The following NTM variants were observed in gnomAD, a reference collection of about 807,000 sequenced individuals.
The protein encoded by NTM is neurotrimin, also known as IgLON family member 2.
Under a neutral mutation model 42.1 loss-of-function variants are expected in NTM, and 13 were observed. That is an observed-to-expected ratio of 0.31 (90% CI 0.20 to 0.49). NTM has a LOEUF of 0.49. Ranked by LOEUF, NTM falls within the 20% of genes least tolerant of loss-of-function variation. The pLI, the probability that NTM is intolerant of heterozygous loss-of-function variation, is 0.99. For synonymous variants in NTM, 187 were observed against 179.2 expected (o/e 1.04, Z -0.35); for missense variants, 373 against 452.8 (o/e 0.82, Z 1.60).
chr11:132,293,795 T>G (rs1406547173), intron 4 of NTM, among the ~76,000 whole-genome samples: 1 of 152,194 alleles, frequency 6.6e-6, no homozygotes, highest in East Asian at 1.9e-4. Flanking sequence ...AGTAAAGTTT[T>G]TTTGGAGTGA....
At chr11:131,718,738 AAT>A (rs1477149528) in intron 1 of NTM, among the ~76,000 whole-genome samples, 1 of 151,904 alleles carries the variant, frequency 6.6e-6, no homozygotes, top group Admixed American at 6.6e-5. Flanking sequence ...TGAGCACTCT[AAT>A]GTTCTTGATC....
intron 4 of NTM, among the ~76,000 whole-genome samples, chr11:132,247,163 T>C (rs995752266): frequency 6.6e-6 from 1 of 152,178 alleles, no homozygotes; most frequent in Admixed American, 6.5e-5. Context: ...CATCTCAGGC[T>C]CATCATTGAT....
At chr11:132,167,979 T>C (rs2075540769) in intron 3 of NTM, among the ~76,000 whole-genome samples, 1 of 152,168 alleles carries the variant, frequency 6.6e-6, no homozygotes, top group South Asian at 2.1e-4. Flanking sequence ...GAGAGTGCAG[T>C]GTGGAGAACT....
intron 4 of NTM, among the ~76,000 whole-genome samples, chr11:132,220,874 G>T (rs983332162): frequency 6.6e-6 from 1 of 152,124 alleles, no homozygotes; most frequent in Non-Finnish European, 1.5e-5. Context: ...CATTAAAATG[G>T]TAGCCCCTAC....
At chr11:132,170,350 A>T (rs557886004) in intron 3 of NTM, among the ~76,000 whole-genome samples, 1 of 152,296 alleles carries the variant, frequency 6.6e-6, no homozygotes, top group African/African-American at 2.4e-5. Context: ...ACAGCTAGGG[A>T]GTATCTACCA....
rs570084556 is a variant in NTM, at chr11:132,164,483, G to T, written c.400+17969G>T. On this transcript the variant is annotated intron_variant, in intron 3 of 8. Transcript: ENST00000683400. Reference sequence around the variant, plus strand: ...TTTTCAAAAGTAGCACACAATTAAAGAATACATTTCTTTATTTGACTATGA... The same window carrying T: ...TTTTCAAAAGTAGCACACAATTAAATAATACATTTCTTTATTTGACTATGA... Among the ~76,000 whole-genome samples, 63 of 152,240 alleles carry T rather than the reference G, an allele frequency of 4.1e-4. No individual in the cohort carries two copies. In the South Asian group the frequency reaches 0.011, roughly 27 times the overall value.
chr11:131,781,528 G>T lies in NTM; in HGVS notation c.83-130036G>T, dbSNP rs528739738. On this transcript the variant is annotated intron_variant, in intron 1 of 8. Transcript: ENST00000683400. The stretch of plus-strand genomic sequence containing the variant: ...ATACTAATTTATTATTGTTAAATGT[G>T]TGCCACCATAGCAAATACTAAGTAA... 5.9e-5 allele frequency among the ~76,000 whole-genome samples: 9 copies of T among 152,144 alleles called. No homozygotes were observed. The East Asian group carries it at 1.7e-3, about 29-fold the overall frequency.
intron 2 of NTM, among the ~76,000 whole-genome samples, chr11:131,921,744 G>A (rs2057253341): frequency 6.6e-6 from 1 of 152,060 alleles, no homozygotes; most frequent in Non-Finnish European, 1.5e-5. Context: ...GGTCTCAGTC[G>A]TGAGCCCAGC....
intron 1 of NTM, among the ~76,000 whole-genome samples, chr11:131,387,316 C>T (rs1943444292): frequency 1.3e-5 from 2 of 152,156 alleles, no homozygotes; most frequent in Non-Finnish European, 2.9e-5. Context: ...CTCTCTCTCT[C>T]CCTCTCTCTC....
chr11:131,468,960 G>A (rs1157257267), intron 1 of NTM, among the ~76,000 whole-genome samples: 3 of 152,248 alleles, frequency 2.0e-5, no homozygotes. Context: ...ATTTAAGGCA[G>A]AACAATTGGA....
At chr11:132,141,258 T>C (rs959708488) in intron 2 of NTM, among the ~76,000 whole-genome samples, 1 of 151,828 alleles carries the variant, frequency 6.6e-6, no homozygotes, top group Non-Finnish European at 1.5e-5. Flanking sequence ...TCTCCCTCTC[T>C]CTCCCCCCTA....
intron 2 of NTM, among the ~76,000 whole-genome samples, chr11:131,938,652 G>C (rs887750590): frequency 1.3e-5 from 2 of 152,174 alleles, no homozygotes; most frequent in African/African-American, 2.4e-5. Context: ...AGGTGGGTGG[G>C]GCAGGGTGAC....
chr11:132,070,423 C>T (rs2057379530), intron 2 of NTM, among the ~76,000 whole-genome samples: 1 of 135,994 alleles, frequency 7.4e-6, no homozygotes, highest in Non-Finnish European at 1.6e-5. Flanking sequence ...AACTGACCGT[C>T]ACAGGTTAGT....
At chr11:131,746,675 A>G (rs1360013341) in intron 1 of NTM, among the ~76,000 whole-genome samples, 2 of 152,228 alleles carry the variant, frequency 1.3e-5, no homozygotes, top group Non-Finnish European at 2.9e-5. Context: ...GCATTTAAAT[A>G]ACCTTTATCT....
At chr11:131,840,513 C>T (rs369853412) in intron 1 of NTM, among the ~76,000 whole-genome samples, 139 of 152,286 alleles carry the variant, frequency 9.1e-4, no homozygotes, top group African/African-American at 3.0e-3. Flanking sequence ...AGTCCATTTT[C>T]AGATGTGACA....
chr11:131,934,036 A>T (rs1384941639), intron 2 of NTM, among the ~76,000 whole-genome samples: 2 of 152,320 alleles, frequency 1.3e-5, no homozygotes, highest in Non-Finnish European at 2.9e-5. Flanking sequence ...ATTTGATCCC[A>T]GACAGTTTAG....
At chr11:131,989,155 G>T (rs984575133) in intron 2 of NTM, among the ~76,000 whole-genome samples, 2 of 152,160 alleles carry the variant, frequency 1.3e-5, no homozygotes, top group Non-Finnish European at 2.9e-5. Context: ...TGGACTGAAA[G>T]TCCTTTGAGG....
At chr11:132,182,531 G>C (rs922812286) in intron 3 of NTM, among the ~76,000 whole-genome samples, 7 of 152,212 alleles carry the variant, frequency 4.6e-5, no homozygotes, top group Admixed American at 3.9e-4. Flanking sequence ...GTAAAGCATT[G>C]TGTATGCCCA....
chr11:131,420,091 C>A (rs1297583808), intron 1 of NTM, among the ~76,000 whole-genome samples: 1 of 152,174 alleles, frequency 6.6e-6, no homozygotes, highest in East Asian at 1.9e-4. Flanking sequence ...AATGAGGGAC[C>A]ATTTGTCCCT....
Sources: gnomAD v4.1 joint callset for allele counts (sites outside exome capture counted in the v4.1 genomes callset) on GRCh38, gnomAD v4.1.1 for gene constraint, MANE v1.5 for transcripts, NCBI Gene and HGNC (gene_info 2026-07-23, HGNC 2026-07-21) for gene names.